Variants in MORC3 observed in about 807,000 individuals in gnomAD.
The protein encoded by MORC3 is MORC family CW-type zinc finger protein 3.
Under a neutral mutation model 109.1 loss-of-function variants are expected in MORC3, and 31 were observed. The ratio of observed to expected loss-of-function variants is 0.28; its 90% CI spans 0.21 to 0.38. MORC3 has a LOEUF of 0.38. Ranked by LOEUF, MORC3 falls within the 10% of genes least tolerant of loss-of-function variation. The pLI is 1.00. For missense variants in MORC3, 867 were observed against 1,135.8 expected, an observed-to-expected ratio of 0.76 and a Z score of 3.40; for synonymous variants, 395 against 380.7, an observed-to-expected ratio of 1.04 and a Z score of -0.44.
chr21:36,358,404 G>A (rs2085670681), intron 10 of MORC3, among the ~76,000 whole-genome samples: 3 of 151,800 alleles, frequency 2.0e-5, no homozygotes, highest in Non-Finnish European at 2.9e-5. Context: ...TAAATAAAAT[G>A]AAATAAAACT....
intron 8 of MORC3, among the ~76,000 whole-genome samples, chr21:36,346,912 G>A (rs1406265868): frequency 6.6e-6 from 1 of 151,784 alleles, no homozygotes; most frequent in Non-Finnish European, 1.5e-5. Flanking sequence ...AGGCTGAGGT[G>A]GGAGAGTGCT....
At chr21:36,328,034 G>T (rs1404285447) in intron 1 of MORC3, among the ~76,000 whole-genome samples, 1 of 151,866 alleles carries the variant, frequency 6.6e-6, no homozygotes, top group Non-Finnish European at 1.5e-5. Context: ...GTGCCACCAG[G>T]TCTAGCTAAT....
chr21:36,345,215 C>T (rs2085494351), intron 8 of MORC3, among the ~76,000 whole-genome samples, 184 bp downstream of exon 8: 1 of 151,252 alleles, frequency 6.6e-6, no homozygotes, highest in Admixed American at 6.6e-5. Context: ...CCCTCCCCTC[C>T]CTTCCCCTCC....
chr21:36,326,815 AAG>A (rs200301421), intron 1 of MORC3, among the ~76,000 whole-genome samples: 6 of 146,878 alleles, frequency 4.1e-5, no homozygotes, highest in African/African-American at 1.6e-4. Flanking sequence ...TATAAATTTA[AAG>A]ATTTTTTTTT....
intron 1 of MORC3, among the ~76,000 whole-genome samples, chr21:36,332,132 C>CT (rs1272046309): frequency 6.6e-6 from 1 of 151,060 alleles, no homozygotes; most frequent in Non-Finnish European, 1.5e-5. Flanking sequence ...CAGAGAGAGA[C>CT]TATCTCTGAA....
chr21:36,342,251 CA>C (rs201336750), intron 6 of MORC3, among the ~76,000 whole-genome samples: 4,266 of 152,090 alleles, frequency 0.028, 79 homozygotes, highest in Admixed American at 0.048. Context: ...CACACACACA[CA>C]AAAAATTTAA....
At position 36,369,225 on chromosome 21, in the gene MORC3, T is replaced by C; in HGVS notation, c.1857T>C (p.Cys619=). The part of the protein sequence containing the change: ...QVEFVGDSEP[C]GQTGSTSTSS... ...AGTTTGTGGGTGACAGTGAACCTTG[T>C]GGCCAGACTGGTTCAACAAGCACCT... is the stretch of plus-strand genomic sequence containing the variant. The change falls in exon 15 of 17, where the codon TGT becomes TGC. Residue 619 remains cysteine, a synonymous_variant. Transcript: ENST00000400485. 1.2e-6 allele frequency: 2 copies of C among 1,614,174 alleles called. No individual in the cohort carries two copies. Among genetic ancestry groups the C allele is most frequent in the Non-Finnish European group, 1.7e-6 (2 of 1,180,022 alleles).
chr21:36,343,253 G>A (rs1465266355), intron 6 of MORC3, among the ~76,000 whole-genome samples: 1 of 151,184 alleles, frequency 6.6e-6, no homozygotes, highest in Non-Finnish European at 1.5e-5. Flanking sequence ...GCGCCACCAT[G>A]CCCGGCTAAT....
chr21:36,328,342 CTTT>C (rs959569308), intron 1 of MORC3, among the ~76,000 whole-genome samples: 6 of 130,040 alleles, frequency 4.6e-5, no homozygotes, highest in Admixed American at 7.8e-5. Context: ...CCCCCCCCGC[CTTT>C]TTTTTTTTTT....
chr21:36,339,319 A>G (rs9978007), intron 5 of MORC3: 93,815 of 156,502 alleles, frequency 0.6, 29,210 homozygotes, highest in East Asian at 0.99. Flanking sequence ...GGGTTTCACC[A>G]TGTTGGCCAG....
At chr21:36,348,139 G>C (rs2146313173) in intron 8 of MORC3, 1 of 152,298 alleles carries the variant, frequency 6.6e-6, no homozygotes, top group Middle Eastern at 3.4e-3. Flanking sequence ...GTCACACGTA[G>C]ATAATCAGAA....
At chr21:36,325,868 A>C (rs928891066) in intron 1 of MORC3, among the ~76,000 whole-genome samples, 1 of 151,938 alleles carries the variant, frequency 6.6e-6, no homozygotes, top group African/African-American at 2.4e-5. Context: ...TTAGTCACTT[A>C]GTAGCTGTGG....
intron 1 of MORC3, among the ~76,000 whole-genome samples, chr21:36,332,792 T>C (rs941071500): frequency 3.4e-5 from 5 of 145,448 alleles, no homozygotes; most frequent in Non-Finnish European, 7.7e-5. Flanking sequence ...AACTCTTTCT[T>C]TTTTTTTTTT....
At chr21:36,354,757 G>A (rs1176742110) in intron 9 of MORC3, among the ~76,000 whole-genome samples, 1 of 152,204 alleles carries the variant, frequency 6.6e-6, no homozygotes, top group African/African-American at 2.4e-5. Context: ...ATTGTCTAAT[G>A]TCAGTTTGTT....
intron 9 of MORC3, among the ~76,000 whole-genome samples, chr21:36,352,039 G>C (rs1410818628): frequency 6.6e-6 from 1 of 152,154 alleles, no homozygotes; most frequent in Non-Finnish European, 1.5e-5. Context: ...ATACCATCCA[G>C]TACATGCTAA....
At chr21:36,366,236 T>G (rs117280439) in intron 14 of MORC3, among the ~76,000 whole-genome samples, 3 of 152,154 alleles carry the variant, frequency 2.0e-5, no homozygotes, top group African/African-American at 7.2e-5. Flanking sequence ...CCCATCTTTA[T>G]GTCCATGTGT....
In MORC3 at chr21:36,372,477, A is replaced by G. The variant is rs2085881375; in HGVS notation, c.2612A>G (p.Asp871Gly). The stretch of plus-strand genomic sequence containing the variant: ...TCTACAAATCAACAGACGGCAACAG[A>G]TGTTTCAACATCAAGTAACATTGAG... ...LKSTNQQTATDVSTSSNIEES... is the reference protein window; with the variant it reads ...LKSTNQQTATGVSTSSNIEES... The change falls in exon 16 of 17, where the codon GAT becomes GGT. Residue 871 changes from aspartate to glycine, a missense_variant. Transcript: ENST00000400485. 1 of 1,608,290 alleles carries G rather than the reference A, an allele frequency of 6.2e-7. No individual in the cohort carries two copies. The highest frequency in any genetic ancestry group is 1.7e-5 in the Admixed American group (1 of 57,676).
intron 3 of MORC3, 105 bp downstream of exon 3, chr21:36,337,111 G>A: frequency 1.5e-6 from 2 of 1,316,742 alleles, no homozygotes; most frequent in South Asian, 1.4e-5. Context: ...ATGAAATGCT[G>A]TATGTACAGT....
chr21:36,337,116 T>C, intron 3 of MORC3, 110 bp downstream of exon 3: 1 of 1,289,040 alleles, frequency 7.8e-7, no homozygotes, highest in Non-Finnish European at 1.1e-6. Flanking sequence ...ATGCTGTATG[T>C]ACAGTGTGAG....
Sources: allele counts gnomAD v4.1 joint callset (sites outside exome capture counted in the v4.1 genomes callset), GRCh38; gene constraint gnomAD v4.1.1; transcripts MANE v1.5; gene names NCBI Gene and HGNC (gene_info 2026-07-23, HGNC 2026-07-21).